GPR158: variants seen among roughly 807,000 people sequenced by gnomAD.
GPR158 encodes the protein metabotropic glycine receptor.
A neutral mutation model predicts 78.2 loss-of-function variants in GPR158; 30 were observed. That is an observed-to-expected ratio of 0.38 (90% CI 0.29 to 0.52). The LOEUF is 0.52. Among genes scored for constraint, GPR158 ranks in the 20% least tolerant of loss-of-function variants. The pLI, the probability that GPR158 is intolerant of heterozygous loss-of-function variation, is 0.83. For synonymous variants in GPR158, 581 were observed against 591.1 expected (o/e 0.98, Z 0.25); for missense variants, 1,463 against 1,523.5 (o/e 0.96, Z 0.66).
chr10:25,598,632 C>T lies in GPR158; in HGVS notation c.3006C>T (p.Asp1002=). The T allele has an allele frequency of 6.2e-7, 1 of 1,614,070 alleles. No individual in the cohort carries two copies. The highest frequency in any genetic ancestry group is 8.5e-7 in the Non-Finnish European group (1 of 1,180,004). Reference sequence around the variant, plus strand: ...CCACCCAGATGAAGGACAACTTTGACATTGGGGAGGTGTGTCCTTGGGAGG... The same window carrying T: ...CCACCCAGATGAAGGACAACTTTGATATTGGGGAGGTGTGTCCTTGGGAGG... The part of the protein sequence containing the change: ...PGTTQMKDNF[D]IGEVCPWEVY... Residue 1002 remains aspartate, a synonymous_variant, in exon 11 of 11, where the codon GAC becomes GAT. Coordinates refer to ENST00000376351, the MANE Select transcript of GPR158 (RefSeq NM_020752.3).
chr10:25,477,121 A>G (rs534826667), intron 5 of GPR158, among the ~76,000 whole-genome samples: 19 of 152,048 alleles, frequency 1.2e-4, no homozygotes, highest in African/African-American at 4.1e-4. Flanking sequence ...TTTTAACTCC[A>G]TTTTTTTGCG....
At chr10:25,343,918 G>T (rs1229129746) in intron 2 of GPR158, among the ~76,000 whole-genome samples, 1 of 151,974 alleles carries the variant, frequency 6.6e-6, no homozygotes, top group East Asian at 1.9e-4. Context: ...GTTGAATCAG[G>T]TGTTTTATTT....
chr10:25,598,351 G>A lies in GPR158; in HGVS notation c.2725G>A (p.Ala909Thr), dbSNP rs767899224. 9.3e-6 allele frequency: 15 copies of A among 1,613,952 alleles called. No individual in the cohort carries two copies. The highest frequency in any genetic ancestry group is 6.6e-5 in the South Asian group (6 of 91,068). The change falls in exon 11 of 11, where the codon GCC becomes ACC. Residue 909 changes from alanine to threonine, a missense_variant. Ala to Thr is a moderately conservative substitution (Grantham distance 58, BLOSUM62 0). Coordinates refer to ENST00000376351, the MANE Select transcript of GPR158 (RefSeq NM_020752.3). Reference sequence around the variant, plus strand: ...GAAGTCTCTCAGTGTCATAGCAAGCGCCAAGGAGAAGACTCTTGGATTAGC... The same window carrying A: ...GAAGTCTCTCAGTGTCATAGCAAGCACCAAGGAGAAGACTCTTGGATTAGC... ...LQKSLSVIAS[A>T]KEKTLGLAGK...
intron 2 of GPR158, among the ~76,000 whole-genome samples, chr10:25,262,132 T>A (rs1853975828): frequency 6.6e-6 from 1 of 152,136 alleles, no homozygotes; most frequent in African/African-American, 2.4e-5. Context: ...CTTAACACAT[T>A]GATTTTAGTG....
intron 4 of GPR158, among the ~76,000 whole-genome samples, chr10:25,453,787 C>T (rs151240613): frequency 1.3e-5 from 2 of 152,198 alleles, no homozygotes; most frequent in Non-Finnish European, 2.9e-5. Flanking sequence ...CATAGGTTTG[C>T]GTGTCTGGTT....
intron 5 of GPR158, among the ~76,000 whole-genome samples, chr10:25,541,061 A>C (rs1267299915): frequency 6.6e-6 from 1 of 151,186 alleles, no homozygotes. Context: ...TTTTTCCACA[A>C]GGAATGTACC....
At chr10:25,470,470 C>A (rs2130622465) in intron 5 of GPR158, among the ~76,000 whole-genome samples, 1 of 152,252 alleles carries the variant, frequency 6.6e-6, no homozygotes, top group East Asian at 1.9e-4. Flanking sequence ...CAGCCTCCAA[C>A]ACTGTGAGAA....
chr10:25,563,686 G>T (rs1009133743), intron 6 of GPR158, among the ~76,000 whole-genome samples: 3 of 137,262 alleles, frequency 2.2e-5, no homozygotes, highest in African/African-American at 7.4e-5. Context: ...TGTTTCAGAC[G>T]TATACAAAAA....
chr10:25,446,365 T>C (rs906033111), intron 4 of GPR158, among the ~76,000 whole-genome samples: 1 of 152,218 alleles, frequency 6.6e-6, no homozygotes, highest in Admixed American at 6.5e-5. Context: ...CTTCATGATA[T>C]GTGCTTTCAG....
At position 25,580,439 on chromosome 10, in the gene GPR158, C is replaced by T. The variant is rs568867694; in HGVS notation, c.1753+7552C>T. On this transcript the variant is annotated intron_variant, in intron 7 of 10. Transcript: ENST00000376351. ...TCATATGCCAATGTTTAGAAAGAAC[C>T]GAGAAAAATACAGCATCTCTCTCGC... Among the ~76,000 whole-genome samples, 26 of 151,844 alleles carry T rather than the reference C, an allele frequency of 1.7e-4. No individual in the cohort carries two copies. In the South Asian group the frequency reaches 4.8e-3, roughly 28 times the overall value.
chr10:25,511,259 C>A (rs1274677460), intron 5 of GPR158, among the ~76,000 whole-genome samples: 1 of 152,216 alleles, frequency 6.6e-6, no homozygotes, highest in Admixed American at 6.5e-5. Context: ...AAAGTGGTAT[C>A]GCATTGTGGT....
At chr10:25,305,015 C>T (rs368501129) in intron 2 of GPR158, among the ~76,000 whole-genome samples, 5 of 152,210 alleles carry the variant, frequency 3.3e-5, no homozygotes, top group African/African-American at 1.2e-4. Context: ...TCTTCTAGGG[C>T]TCTACCTGTT....
At chr10:25,425,324 A>G (rs1420565711) in intron 4 of GPR158, among the ~76,000 whole-genome samples, 1 of 152,134 alleles carries the variant, frequency 6.6e-6, no homozygotes, top group Admixed American at 6.6e-5. Flanking sequence ...TTCTCTTTTC[A>G]GCACATCCAT....
intron 5 of GPR158, among the ~76,000 whole-genome samples, chr10:25,480,478 T>G (rs999546890): frequency 2.0e-5 from 3 of 152,218 alleles, no homozygotes; most frequent in African/African-American, 7.2e-5. Flanking sequence ...CTGTATTCAT[T>G]AAACGATAAC....
chr10:25,205,251 A>C (rs1233363883), intron 1 of GPR158, among the ~76,000 whole-genome samples: 1 of 149,912 alleles, frequency 6.7e-6, no homozygotes, highest in African/African-American at 2.5e-5. Context: ...TGTCATTTCT[A>C]ATTGTGTTTA....
intron 2 of GPR158, among the ~76,000 whole-genome samples, chr10:25,391,437 G>A (rs776603318): frequency 9.9e-5 from 15 of 152,178 alleles, no homozygotes; most frequent in Non-Finnish European, 2.1e-4. Flanking sequence ...CAAGACCATG[G>A]GAACCCCTTC....
At chr10:25,493,507 AT>A (rs949166104) in intron 5 of GPR158, among the ~76,000 whole-genome samples, 62 of 152,290 alleles carry the variant, frequency 4.1e-4, no homozygotes, top group African/African-American at 1.5e-3. Context: ...CTAAAAAAAA[AT>A]GTTTCATTTT....
intron 2 of GPR158, among the ~76,000 whole-genome samples, chr10:25,264,295 T>C (rs577500113): frequency 1.3e-5 from 2 of 152,326 alleles, no homozygotes; most frequent in East Asian, 3.9e-4. Context: ...TTTCTTGGAA[T>C]GCTTGCTCTT....
intron 5 of GPR158, among the ~76,000 whole-genome samples, 181 bp from the exon 6 acceptor site, chr10:25,550,795 G>C (rs1836716331): frequency 6.6e-6 from 1 of 152,118 alleles, no homozygotes; most frequent in Non-Finnish European, 1.5e-5. Context: ...TTAATAAGCA[G>C]TAGGGAGACT....
Sources: allele counts gnomAD v4.1 joint callset (sites outside exome capture counted in the v4.1 genomes callset), GRCh38; gene constraint gnomAD v4.1.1; transcripts MANE v1.5; gene names NCBI Gene and HGNC (gene_info 2026-07-23, HGNC 2026-07-21).